The following CXCL12 variants were observed in gnomAD, a reference collection of about 807,000 sequenced individuals.
The protein encoded by CXCL12 is stromal cell-derived factor 1.
Under a neutral mutation model 10.7 loss-of-function variants are expected in CXCL12, and 4 were observed. The observed-to-expected ratio is 0.37, with a 90% confidence interval of 0.18 to 0.86. The LOEUF (loss-of-function observed/expected upper bound fraction) is 0.86, where lower values mean the gene tolerates loss of function less well. Ranked by LOEUF, CXCL12 falls within the 40% of genes least tolerant of loss-of-function variation. The probability of loss-of-function intolerance (pLI) is 0.43; values close to 1 mark genes in which losing one functional copy is unlikely to be tolerated. For missense variants in CXCL12, 122 were observed against 110.4 expected (o/e 1.10, Z -0.47); for synonymous variants, 54 against 45.4 (o/e 1.19, Z -0.77).
At position 44,377,831 on chromosome 10, in the gene CXCL12, G is replaced by A; in HGVS notation, c.*802C>T. ...ACAGAGGGCCCGAGCTGTGGGGCAGGCCCTGGGAGGAGAGGGATGCAGGGC... is the reference window on the plus strand; with the variant it reads ...ACAGAGGGCCCGAGCTGTGGGGCAGACCCTGGGAGGAGAGGGATGCAGGGC... On this transcript the variant is annotated 3_prime_UTR_variant, in exon 3 of 3. Transcript: ENST00000343575. 6.3e-7 allele frequency: 1 copy of A among 1,595,674 alleles called. No homozygotes were observed. The highest frequency in any genetic ancestry group is 8.5e-7 in the Non-Finnish European group (1 of 1,178,728).
Position 44,378,312 on chromosome 10 carries a change from A to G in CXCL12, c.*321T>C. The G allele has an allele frequency of 1.4e-6, 2 of 1,478,148 alleles. No homozygotes were observed. The highest frequency in any genetic ancestry group is 2.2e-5 in the South Asian group (2 of 88,970). 91.6% of individuals were successfully genotyped at this position (1,478,148 alleles called of 1,614,324 possible). On this transcript the variant is annotated 3_prime_UTR_variant, in exon 3 of 3. Coordinates refer to ENST00000343575, the MANE Select transcript of CXCL12 (RefSeq NM_199168.4). ...AATGAGAATGATGATGATTGTGATGATCATGAAGGAACTAACTGCTTGAAA... is the reference window on the plus strand; with the variant it reads ...AATGAGAATGATGATGATTGTGATGGTCATGAAGGAACTAACTGCTTGAAA...
chr10:44,371,459 C>A, downstream of CXCL12: 1 of 344,376 alleles, frequency 2.9e-6, no homozygotes, highest in Non-Finnish European at 5.7e-6. Context: ...AGGTTAATTT[C>A]AAAAGGTTTT....
chr10:44,381,366 G>A (rs1839626530), intron 1 of CXCL12, among the ~76,000 whole-genome samples: 1 of 152,208 alleles, frequency 6.6e-6, no homozygotes, highest in South Asian at 2.1e-4. Context: ...AAGCACAGTA[G>A]TACTCAGGAA....
At chr10:44,375,813 C>A (rs1386237936), downstream of CXCL12, 184 of 1,512,532 alleles carry the variant, frequency 1.2e-4, 1 homozygote, top group East Asian at 4.2e-3. Flanking sequence ...CAGCAAAGCA[C>A]TGCTCCCCCA....
chr10:44,381,080 C>G (rs1194618260), intron 1 of CXCL12, among the ~76,000 whole-genome samples, 200 bp from the exon 2 acceptor site: 1 of 152,182 alleles, frequency 6.6e-6, no homozygotes, highest in Non-Finnish European at 1.5e-5. Context: ...GGCTCAGCTT[C>G]TACAGGGCAA....
At chr10:44,373,607 C>G (rs547427470), downstream of CXCL12, among the ~76,000 whole-genome samples, 5 of 152,286 alleles carry the variant, frequency 3.3e-5, no homozygotes, top group South Asian at 4.1e-4. Context: ...GGCAGACGCA[C>G]GAAGGCACAG....
chr10:44,380,332 TTAAA>T (rs1239795574), intron 2 of CXCL12: 2 of 165,160 alleles, frequency 1.2e-5, no homozygotes, highest in African/African-American at 4.8e-5. Flanking sequence ...CACCCAATGG[TTAAA>T]GAGGACTTAA....
chr10:44,380,879 C>T lies in CXCL12; in HGVS notation c.63G>A (p.Gly21=), dbSNP rs745355225. 3 of 1,614,034 alleles carry T rather than the reference C, an allele frequency of 1.9e-6. No individual in the cohort carries two copies. Among genetic ancestry groups the T allele is most frequent in the Middle Eastern group, 1.6e-4 (1 of 6,062 alleles). ...ATCTGTAGCTCAGGCTGACGGGCTT[C>T]CCTAGAAGAGGTAAGGACAACAAGG... ...LVLTALCLSD[G]KPVSLSYRCP... is the part of the protein sequence containing the mutation. The change falls in exon 2 of 3, where the codon GGG becomes GGA. Residue 21 remains glycine, a splice_region_variant and synonymous_variant. Transcript: ENST00000343575.
intron 1 of CXCL12, among the ~76,000 whole-genome samples, chr10:44,383,566 A>C (rs534085598): frequency 2.8e-5 from 4 of 142,134 alleles, no homozygotes; most frequent in South Asian, 4.8e-4. Flanking sequence ...CAGGAACAGA[A>C]GAATATCCAG....
In CXCL12 at chr10:44,378,487, G is replaced by A. The variant is rs747553531; in HGVS notation, c.*146C>T. The A allele has an allele frequency of 4.2e-5, 65 of 1,537,346 alleles. No homozygotes were observed. Among genetic ancestry groups the A allele is most frequent in the Middle Eastern group, 1.7e-4 (1 of 5,872 alleles). On this transcript the variant is annotated 3_prime_UTR_variant, in exon 3 of 3. Transcript: ENST00000343575. ...CTAAATGCTGGCAAACCTCAGGCCC[G>A]ATCCCAGATCAATGTGCCCACCCCA...
At position 44,378,305 on chromosome 10, in the gene CXCL12, TGTGATGATC is replaced by T. The variant is rs781345694; in HGVS notation, c.*319_*327del. 7 of 1,475,556 alleles carry T rather than the reference TGTGATGATC, an allele frequency of 4.7e-6. No individual in the cohort carries two copies. In the African/African-American group the frequency reaches 6.9e-5, roughly 15 times the overall value. The allele number at this position is 1,475,556 out of a possible 1,614,324, so 91.4% of individuals were successfully genotyped here. The stretch of plus-strand genomic sequence containing the variant: ...AAATGAGAATGAGAATGATGATGAT[TGTGATGATC>T]ATGAAGGAACTAACTGCTTGAAAAT... On this transcript the variant is annotated 3_prime_UTR_variant, in exon 3 of 3. Transcript: ENST00000343575.
At chr10:44,374,972 A>G (rs991920566), downstream of CXCL12, among the ~76,000 whole-genome samples, 17 of 152,194 alleles carry the variant, frequency 1.1e-4, no homozygotes, top group African/African-American at 4.1e-4. Context: ...AGGGTGCAGG[A>G]AAGTTCCTAG....
At chr10:44,376,299 T>TGAACCTTGTC, downstream of CXCL12, among the ~76,000 whole-genome samples, 1 of 152,208 alleles carries the variant, frequency 6.6e-6, no homozygotes. Flanking sequence ...TGAACCTGAT[T>TGAACCTTGTC]CCCACTGGGG....
downstream of CXCL12, chr10:44,373,131 A>G: frequency 6.5e-7 from 1 of 1,533,872 alleles, no homozygotes; most frequent in East Asian, 2.5e-5. Flanking sequence ...ACACTGAATA[A>G]TCAAACTAAA....
chr10:44,378,769 G>T, intron 2 of CXCL12, 46 bp from the exon 3 acceptor site: 2 of 1,594,136 alleles, frequency 1.3e-6, no homozygotes, highest in African/African-American at 1.3e-5. Context: ...CAGGAGGAAG[G>T]CGCGGCTGCA....
rs1839539094 is a variant in CXCL12 at position 44,378,784 on chromosome 10, G to A, written c.180-61C>T. On this transcript the variant is annotated intron_variant, in intron 2 of 2. Transcript: ENST00000343575. ...CAGGAGGAAGGCGCGGCTGCAACGT[G>A]TGCATCCGCTCCCCCAACACCCATC... 8 of 1,533,032 alleles carry A rather than the reference G, an allele frequency of 5.2e-6. No homozygotes were observed. In the East Asian group the frequency reaches 1.8e-4, roughly 35 times the overall value. The allele number at this position is 1,533,032 out of a possible 1,614,324, so 95.0% of individuals were successfully genotyped here. A position where few individuals can be genotyped will look rare whatever the true frequency, so the allele number is the denominator to read the frequency against.
At chr10:44,374,860 C>T (rs533165550), downstream of CXCL12, 17 of 369,076 alleles carry the variant, frequency 4.6e-5, no homozygotes, top group East Asian at 2.9e-4. Context: ...ATCCTTTTTC[C>T]GAGCACTACT....
In CXCL12 at chr10:44,385,020, G is replaced by A; in HGVS notation, c.-15C>T. The A allele has an allele frequency of 2.1e-6, 3 of 1,450,658 alleles. No homozygotes were observed. The highest frequency in any genetic ancestry group is 2.3e-5 in the Admixed American group (1 of 43,636). The allele number at this position is 1,450,658 out of a possible 1,614,324, so 89.9% of individuals were successfully genotyped here. A position where few individuals can be genotyped will look rare whatever the true frequency, so the allele number is the denominator to read the frequency against. ...TTGGCGTTCATGGCGCGGGCGGGCG[G>A]GCGGGCGGGCGGACGAGCGCGGGTC... On this transcript the variant is annotated 5_prime_UTR_variant, in exon 1 of 3. Coordinates refer to ENST00000343575, the MANE Select transcript of CXCL12 (RefSeq NM_199168.4).
rs550938688 is a variant in CXCL12 at position 44,382,603 on chromosome 10, C to T, written c.62-1723G>A. ...CTCTCCAGCGCCCAGAGGAGAGAAGCTCCTCTGGCCCCCCAACCAAGCAGT... is the reference window on the plus strand; with the variant it reads ...CTCTCCAGCGCCCAGAGGAGAGAAGTTCCTCTGGCCCCCCAACCAAGCAGT... On this transcript the variant is annotated intron_variant, in intron 1 of 2. Transcript: ENST00000343575. Among the ~76,000 whole-genome samples, 3 of 152,234 alleles carry T rather than the reference C, an allele frequency of 2.0e-5. No individual in the cohort carries two copies. The South Asian group carries it at 6.2e-4, about 32-fold the overall frequency.
Sources: allele counts gnomAD v4.1 joint callset (sites outside exome capture counted in the v4.1 genomes callset), GRCh38; gene constraint gnomAD v4.1.1; transcripts MANE v1.5; gene names NCBI Gene and HGNC (gene_info 2026-07-23, HGNC 2026-07-21).